TEF: variants seen among roughly 807,000 people sequenced by gnomAD.
TEF encodes the protein thyrotroph embryonic factor.
In TEF, 3 loss-of-function variants were observed where a neutral mutation model predicts 20.8. The ratio of observed to expected loss-of-function variants is 0.14; its 90% CI spans 0.07 to 0.37. The LOEUF (loss-of-function observed/expected upper bound fraction) is 0.37, where lower values mean the gene tolerates loss of function less well. TEF is among the 10% of genes least tolerant of loss of function. TEF has a pLI of 1.00. For missense variants in TEF, 296 were observed against 397.9 expected, an observed-to-expected ratio of 0.74 and a Z score of 2.18; for synonymous variants, 180 against 171.1, an observed-to-expected ratio of 1.05 and a Z score of -0.41.
intron 1 of TEF, chr22:41,383,120 T>C (rs1458293986): frequency 1.1e-5 from 5 of 451,686 alleles, no homozygotes; most frequent in African/African-American, 2.0e-5. Context: ...CCATCAGTTA[T>C]TCAGGGTTTG....
At position 41,382,126 on chromosome 22, in the gene TEF, G is replaced by C; in HGVS notation, c.82G>C (p.Glu28Gln). 3 of 1,235,832 alleles carry C rather than the reference G, an allele frequency of 2.4e-6. No individual in the cohort carries two copies. Among genetic ancestry groups the C allele is most frequent in the Non-Finnish European group, 3.0e-6 (3 of 990,006 alleles). 76.6% of individuals were successfully genotyped at this position (1,235,832 alleles called of 1,614,324 possible). Residue 28 changes from glutamate to glutamine, a missense_variant, in exon 1 of 4, where the codon GAA becomes CAA. Physicochemically the swap from Glu to Gln is conservative, Grantham distance 29 (BLOSUM62 2). Around this residue, in one of 2 missense-constraint regions of TEF, gnomAD observed 102 missense variants for 80.1 expected, o/e 1.27. Coordinates refer to ENST00000266304, the MANE Select transcript of TEF (RefSeq NM_003216.4). ...TCCGGGGCCGGGGCGCGCAGCTGGG[G>C]AAAGGGGCCTGTCGGGGTCCTTCCC... ...PGPGPGRAAG[E>Q]RGLSGSFPLV...
intron 1 of TEF, among the ~76,000 whole-genome samples, chr22:41,376,756 CCACACTG>C (rs1569252257): frequency 6.6e-6 from 1 of 152,292 alleles, no homozygotes; most frequent in Non-Finnish European, 1.5e-5. Context: ...CCCACCCACT[CCACACTG>C]CACACCGTGC....
intron 3 of TEF, among the ~76,000 whole-genome samples, chr22:41,395,126 C>T (rs2145993002): frequency 6.6e-6 from 1 of 152,240 alleles, no homozygotes; most frequent in Admixed American, 6.5e-5. Context: ...TGTGCCTCAC[C>T]CTCCTGAGTA....
chr22:41,374,037 C>G (rs1216077537), intron 1 of TEF, among the ~76,000 whole-genome samples: 2 of 152,096 alleles, frequency 1.3e-5, no homozygotes, highest in Non-Finnish European at 2.9e-5. Flanking sequence ...GCTGGGATTG[C>G]AGGCATGAGC....
intron 1 of TEF, among the ~76,000 whole-genome samples, chr22:41,373,235 G>A (rs2036903687): frequency 1.3e-5 from 2 of 152,022 alleles, no homozygotes; most frequent in Admixed American, 6.5e-5. Flanking sequence ...ACTTTACTTC[G>A]GACACCACGG....
At chr22:41,380,100 C>T (rs2036997052), upstream of TEF, among the ~76,000 whole-genome samples, 1 of 151,974 alleles carries the variant, frequency 6.6e-6, no homozygotes, top group African/African-American at 2.4e-5. Context: ...CTTTCCAGGC[C>T]TGGTCAGCTA....
intron 2 of TEF, among the ~76,000 whole-genome samples, chr22:41,388,037 G>A (rs530717122): frequency 9.0e-6 from 1 of 111,326 alleles, no homozygotes; most frequent in African/African-American, 3.5e-5. Flanking sequence ...TCGCTCTGTT[G>A]CCCAGGCTGG....
At chr22:41,368,980 G>C (rs1001278251) in intron 1 of TEF, 1 of 860,762 alleles carries the variant, frequency 1.2e-6, no homozygotes, top group South Asian at 5.3e-5. Context: ...GGTGGGCAGA[G>C]CTGAACACAT....
Position 41,382,186 on chromosome 22 carries a change from C to A in TEF, c.142C>A (p.Arg48Ser). The change falls in exon 1 of 4, where the codon CGC becomes AGC. Residue 48 changes from arginine (R) to serine (S), a missense_variant. Arg to Ser is a moderately radical substitution (Grantham distance 110). Coordinates refer to ENST00000266304, the MANE Select transcript of TEF (RefSeq NM_003216.4). ...GAAGAAGCTGATGGAGAACCCCCCG[C>A]GCGAGGCGCGCCTCGGTGAGGGCGG... ...VLKKLMENPP[R>S]EARLDKEKGK... The A allele has an allele frequency of 8.5e-7, 1 of 1,174,902 alleles. No individual in the cohort carries two copies. Among genetic ancestry groups the A allele is most frequent in the Non-Finnish European group, 1.0e-6 (1 of 953,612 alleles). The allele number at this position is 1,174,902 out of a possible 1,614,324, so 72.8% of individuals were successfully genotyped here.
At position 41,383,604 on chromosome 22, in the gene TEF, C is replaced by T. The variant is rs79312113; in HGVS notation, c.157+1403C>T. ...CTTCCTCAAGGTCACACAGCTATAA[C>T]TTTTGACCCTCAGTTTGGTGCTCTT... On this transcript the variant is annotated intron_variant, in intron 1 of 3. Transcript: ENST00000266304. Among the ~76,000 whole-genome samples, 1,026 of 152,316 alleles carry T rather than the reference C, an allele frequency of 6.7e-3. 10 individuals are homozygous for T. Among genetic ancestry groups the T allele is most frequent in the African/African-American group, 0.023 (970 of 41,570 alleles).
At chr22:41,374,574 G>C (rs928936548) in intron 1 of TEF, among the ~76,000 whole-genome samples, 1 of 151,582 alleles carries the variant, frequency 6.6e-6, no homozygotes, top group Non-Finnish European at 1.5e-5. Context: ...AAATTAGCCA[G>C]GCAAGGCAGT....
At chr22:41,379,899 AAAAAAAAAG>A (rs1161994761), upstream of TEF, among the ~76,000 whole-genome samples, 3,670 of 130,046 alleles carry the variant, frequency 0.028, 161 homozygotes, top group African/African-American at 0.09. Context: ...GTCTCAAAAA[AAAAAAAAAG>A]AAAAAAAGAA....
In TEF at chr22:41,398,547, C is replaced by G. The variant is rs934811151; in HGVS notation, c.*2587C>G. The G allele has an allele frequency of 1.6e-4, 24 of 153,668 alleles. No homozygotes were observed. The highest frequency in any genetic ancestry group is 5.8e-4 in the African/African-American group (24 of 41,444). 9.5% of individuals were successfully genotyped at this position (153,668 alleles called of 1,614,324 possible). A position where few individuals can be genotyped will look rare whatever the true frequency, so the allele number is the denominator to read the frequency against. ...TGAGCTGGAACTTTGCAAGAATATT[C>G]ATATTATAAATGTCTCATCTGATGG... On this transcript the variant is annotated 3_prime_UTR_variant, in exon 4 of 4. Coordinates refer to ENST00000266304, the MANE Select transcript of TEF (RefSeq NM_003216.4).
chr22:41,368,268 T>C (rs2036843686), intron 1 of TEF, among the ~76,000 whole-genome samples: 1 of 150,944 alleles, frequency 6.6e-6, no homozygotes, highest in South Asian at 2.1e-4. Context: ...TAAATCTCTC[T>C]CCAAATCTCT....
intron 1 of TEF, 140 bp downstream of exon 1, chr22:41,382,341 C>A: frequency 1.3e-6 from 1 of 775,824 alleles, no homozygotes; most frequent in Non-Finnish European, 1.8e-6. Context: ...TGACCAGGAG[C>A]CTGGAGGACG....
intron 1 of TEF, among the ~76,000 whole-genome samples, chr22:41,386,116 G>A (rs938824872): frequency 6.6e-6 from 1 of 151,702 alleles, no homozygotes; most frequent in African/African-American, 2.4e-5. Flanking sequence ...TGACCCCCCC[G>A]CACCTGGCCA....
intron 2 of TEF, among the ~76,000 whole-genome samples, chr22:41,392,505 C>T (rs1445995159): frequency 6.6e-6 from 1 of 150,808 alleles, no homozygotes. Flanking sequence ...GAAACCCCGT[C>T]TCTACTAAAA....
At chr22:41,382,932 T>G (rs1192724813) in intron 1 of TEF, 1 of 471,090 alleles carries the variant, frequency 2.1e-6, no homozygotes, top group South Asian at 1.5e-5. Flanking sequence ...GCGGCAGGAC[T>G]GAGCTTCATC....
At chr22:41,386,431 G>A (rs111763257) in intron 1 of TEF, among the ~76,000 whole-genome samples, 33,235 of 150,272 alleles carry the variant, frequency 0.22, 4,228 homozygotes, top group Admixed American at 0.4. Context: ...ACAGAGCGAA[G>A]CTCCATCTCA....
Sources: gnomAD v4.1 joint callset for allele counts (sites outside exome capture counted in the v4.1 genomes callset) on GRCh38, gnomAD v4.1.1 for gene constraint, gnomAD v4.1.1 regional missense constraint, MANE v1.5 for transcripts, NCBI Gene and HGNC (gene_info 2026-07-23, HGNC 2026-07-21) for gene names.